The following SAXO1 variants were observed in gnomAD, a reference collection of about 807,000 sequenced individuals.
The protein encoded by SAXO1 is stabilizer of axonemal microtubules 1.
A neutral mutation model predicts 17.5 loss-of-function variants in SAXO1; 21 were observed. That is an observed-to-expected ratio of 1.20 (90% CI 0.85 to 1.72). The LOEUF is 1.72. Among genes scored for constraint, SAXO1 ranks in the 40% most tolerant of loss-of-function variants. The pLI is 0.00. For synonymous variants in SAXO1, 274 were observed against 216.5 expected, an observed-to-expected ratio of 1.27 and a Z score of -2.33; for missense variants, 843 against 596.0, an observed-to-expected ratio of 1.41 and a Z score of -4.32.
chr9:18,928,491 T>C lies in SAXO1; in HGVS notation c.986A>G (p.Lys329Arg), dbSNP rs780602253. The C allele has an allele frequency of 8.1e-6, 13 of 1,613,702 alleles. No homozygotes were observed. The highest frequency in any genetic ancestry group is 1.1e-5 in the Non-Finnish European group (13 of 1,179,860). The change falls in exon 4 of 4, where the codon AAG becomes AGG. Residue 329 changes from lysine to arginine, a missense_variant. Transcript: ENST00000380534. Reference sequence around the variant, plus strand: ...AGAGCCTTCAAAGCGACCGCACTTCTTAATCTGAAGTGCAGGTCGGCAGGA... The same window carrying C: ...AGAGCCTTCAAAGCGACCGCACTTCCTAATCTGAAGTGCAGGTCGGCAGGA... ...AQSCRPALQIKKCGRFEGSST... is the reference protein window; with the variant it reads ...AQSCRPALQIRKCGRFEGSST...
chr9:19,026,824 T>C (rs1177253876), intron 1 of SAXO1: 6 of 543,370 alleles, frequency 1.1e-5, no homozygotes, highest in East Asian at 9.1e-5. Flanking sequence ...AGGTCAGGAG[T>C]TCAAGACCAG....
At chr9:18,995,454 T>A (rs931840750) in intron 1 of SAXO1, among the ~76,000 whole-genome samples, 1 of 152,200 alleles carries the variant, frequency 6.6e-6, no homozygotes, top group African/African-American at 2.4e-5. Context: ...GCTTACTGTC[T>A]GAAGTAGAAT....
chr9:19,043,633 A>G (rs1346458425), intron 1 of SAXO1, among the ~76,000 whole-genome samples: 1 of 151,894 alleles, frequency 6.6e-6, no homozygotes, highest in African/African-American at 2.4e-5. Flanking sequence ...CAGGCATGGT[A>G]GTGCGTAACT....
At chr9:18,942,604 G>A (rs558582586) in intron 2 of SAXO1, among the ~76,000 whole-genome samples, 1 of 152,196 alleles carries the variant, frequency 6.6e-6, no homozygotes, top group Non-Finnish European at 1.5e-5. Context: ...TCATTTCTCT[G>A]CTATCTGGTG....
At chr9:18,971,358 A>C (rs995044124) in intron 1 of SAXO1, among the ~76,000 whole-genome samples, 5 of 152,186 alleles carry the variant, frequency 3.3e-5, no homozygotes. Context: ...CAACTGTTGT[A>C]TCTTCCATCA....
chr9:19,045,766 T>G (rs1260879245), intron 1 of SAXO1, among the ~76,000 whole-genome samples: 3 of 152,154 alleles, frequency 2.0e-5, no homozygotes, highest in African/African-American at 7.2e-5. Flanking sequence ...TTAAATAACT[T>G]TAAATAGGAG....
intron 3 of SAXO1, among the ~76,000 whole-genome samples, chr9:18,934,469 A>G (rs1831201633): frequency 6.6e-6 from 1 of 152,006 alleles, no homozygotes; most frequent in Non-Finnish European, 1.5e-5. Flanking sequence ...CGAATTTTTT[A>G]TTTTAGTTAT....
chr9:19,020,400 G>C (rs1469239247), intron 1 of SAXO1, among the ~76,000 whole-genome samples: 1 of 149,956 alleles, frequency 6.7e-6, no homozygotes, highest in African/African-American at 2.5e-5. Flanking sequence ...CTGGGATTCA[G>C]TGGTGCGATC....
At chr9:18,939,414 C>T (rs553192193) in intron 3 of SAXO1, among the ~76,000 whole-genome samples, 5 of 152,364 alleles carry the variant, frequency 3.3e-5, no homozygotes, top group East Asian at 1.9e-4. Context: ...TTGGAGGTTA[C>T]AGCCTGGCCA....
chr9:19,033,009 G>T lies in SAXO1; in HGVS notation c.-101C>A. ...TCTTGGGGCACGCCCAGGCTCGAGGGTCTTGGCAGGTGTTCTGTTTACTCG... is the reference window on the plus strand; with the variant it reads ...TCTTGGGGCACGCCCAGGCTCGAGGTTCTTGGCAGGTGTTCTGTTTACTCG... On this transcript the variant is annotated 5_prime_UTR_variant, in exon 1 of 4. Transcript: ENST00000380534. The T allele has an allele frequency of 8.4e-7, 1 of 1,197,094 alleles. No individual in the cohort carries two copies. The highest frequency in any genetic ancestry group is 1.1e-6 in the Non-Finnish European group (1 of 880,414). The allele number at this position is 1,197,094 out of a possible 1,614,324, so 74.2% of individuals were successfully genotyped here.
chr9:19,030,776 T>C (rs914713535), intron 1 of SAXO1, among the ~76,000 whole-genome samples: 1 of 152,044 alleles, frequency 6.6e-6, no homozygotes, highest in Non-Finnish European at 1.5e-5. Flanking sequence ...TGATTCAAAA[T>C]TTTCACCCAG....
chr9:18,933,959 T>C (rs1178688827), intron 3 of SAXO1, among the ~76,000 whole-genome samples: 1 of 152,276 alleles, frequency 6.6e-6, no homozygotes, highest in East Asian at 1.9e-4. Context: ...GGCAGGAGAA[T>C]GGTGTGAACC....
chr9:19,015,946 T>C (rs963593969), intron 1 of SAXO1, among the ~76,000 whole-genome samples: 1 of 152,116 alleles, frequency 6.6e-6, no homozygotes, highest in African/African-American at 2.4e-5. Flanking sequence ...TTAAAGTGTA[T>C]GAAGTAGGGC....
At chr9:19,046,992 G>A (rs1228100903) in intron 1 of SAXO1, among the ~76,000 whole-genome samples, 1 of 152,202 alleles carries the variant, frequency 6.6e-6, no homozygotes, top group African/African-American at 2.4e-5. Context: ...TTTGAGACCA[G>A]CCTGGCCAAC....
In SAXO1 at chr9:19,000,410, G is replaced by A. The variant is rs148065621; in HGVS notation, c.38+32461C>T. 7.4e-3 allele frequency among the ~76,000 whole-genome samples: 1,045 copies of A among 141,136 alleles called. 10 individuals are homozygous for A. The highest frequency in any genetic ancestry group is 0.012 in the Non-Finnish European group (749 of 64,840). The allele number at this position is 141,136 out of a possible 152,430, so 92.6% of individuals were successfully genotyped here. ...AAGTGAGGAGCGCCTCCACCTGGCC[G>A]CCCACAGTCTGGGAAGTGAGGAATG... is the stretch of plus-strand genomic sequence containing the variant. On this transcript the variant is annotated intron_variant, in intron 1 of 3. Transcript: ENST00000380534.
At position 18,941,854 on chromosome 9, in the gene SAXO1, G is replaced by A. The variant is rs779971961; in HGVS notation, c.219-15C>T. 1 of 1,613,786 alleles carries A rather than the reference G, an allele frequency of 6.2e-7. No homozygotes were observed. Among genetic ancestry groups the A allele is most frequent in the South Asian group, 1.1e-5 (1 of 91,064 alleles). ...CAAAATCTCTCCTGTAAGGAAGCAA[G>A]TGCATGCTGTTGGGGTCCTTGGCTT... On this transcript the variant is annotated splice_polypyrimidine_tract_variant and intron_variant, in intron 2 of 3. Transcript: ENST00000380534.
intron 1 of SAXO1, among the ~76,000 whole-genome samples, chr9:19,009,690 C>G (rs959921120): frequency 6.6e-6 from 1 of 152,140 alleles, no homozygotes; most frequent in African/African-American, 2.4e-5. Context: ...CCTACTAAAA[C>G]AGCTGTGAGA....
intron 1 of SAXO1, among the ~76,000 whole-genome samples, chr9:18,991,412 T>C (rs1167975315): frequency 6.6e-6 from 1 of 152,208 alleles, no homozygotes; most frequent in Non-Finnish European, 1.5e-5. Flanking sequence ...TCATGTCCTT[T>C]GCAGGGACAT....
chr9:19,032,660 G>A (rs1340216979), intron 1 of SAXO1, among the ~76,000 whole-genome samples: 1 of 152,224 alleles, frequency 6.6e-6, no homozygotes, highest in Non-Finnish European at 1.5e-5. Context: ...AAGTGAAGCG[G>A]CACAGAAGGC....
Sources: gnomAD v4.1 joint callset for allele counts (sites outside exome capture counted in the v4.1 genomes callset) on GRCh38, gnomAD v4.1.1 for gene constraint, MANE v1.5 for transcripts, NCBI Gene and HGNC (gene_info 2026-07-23, HGNC 2026-07-21) for gene names.